Variants in KAT6A observed in about 807,000 individuals in gnomAD.
KAT6A encodes histone acetyltransferase KAT6A.
A neutral mutation model predicts 198.4 loss-of-function variants in KAT6A; 9 were observed. The ratio of observed to expected loss-of-function variants is 0.05; its 90% confidence interval spans 0.03 to 0.08. The LOEUF (loss-of-function observed/expected upper bound fraction) is 0.08, where lower values mean the gene tolerates loss of function less well. KAT6A is among the 10% of genes least tolerant of loss of function. The probability of loss-of-function intolerance (pLI) is 1.00; values close to 1 mark genes in which losing one functional copy is unlikely to be tolerated. For missense variants in KAT6A, 2,077 were observed against 2,509.9 expected (o/e 0.83, Z 3.69); for synonymous variants, 890 against 883.0 (o/e 1.01, Z -0.14).
chr8:41,938,043 G>T (rs1821937328), intron 15 of KAT6A, among the ~76,000 whole-genome samples: 1 of 152,110 alleles, frequency 6.6e-6, no homozygotes, highest in Admixed American at 6.5e-5. Flanking sequence ...TAGAAATATG[G>T]GGCTGAAATG....
chr8:42,019,128 A>G (rs1203756965), intron 2 of KAT6A, among the ~76,000 whole-genome samples: 1 of 152,198 alleles, frequency 6.6e-6, no homozygotes, highest in East Asian at 1.9e-4. Flanking sequence ...ATCTGTAAAA[A>G]TAAGGGTTTG....
At chr8:42,014,887 T>G (rs1826196609) in intron 2 of KAT6A, among the ~76,000 whole-genome samples, 1 of 152,152 alleles carries the variant, frequency 6.6e-6, no homozygotes, top group South Asian at 2.1e-4. Flanking sequence ...CTTGAAATAC[T>G]TCGGTACATG....
chr8:41,940,792 A>G (rs758227000), intron 15 of KAT6A, 50 bp downstream of exon 15: 301 of 1,563,430 alleles, frequency 1.9e-4, no homozygotes, highest in Non-Finnish European at 2.5e-4. Flanking sequence ...GAGAAGGTGT[A>G]AGATAAACTG....
intron 8 of KAT6A, among the ~76,000 whole-genome samples, chr8:41,967,431 T>C (rs1284917456): frequency 6.7e-6 from 1 of 149,666 alleles, no homozygotes; most frequent in East Asian, 2.0e-4. Context: ...TATCTCCCAA[T>C]GCTATCCCTC....
intron 2 of KAT6A, among the ~76,000 whole-genome samples, chr8:41,996,083 G>A (rs1355791645): frequency 1.3e-5 from 2 of 151,804 alleles, no homozygotes; most frequent in African/African-American, 4.8e-5. Context: ...ACTTTATTTT[G>A]TCTCTATTCT....
At chr8:41,949,710 A>C (rs1273296052) in intron 9 of KAT6A, among the ~76,000 whole-genome samples, 1 of 152,192 alleles carries the variant, frequency 6.6e-6, no homozygotes, top group Non-Finnish European at 1.5e-5. Context: ...CCATTTTTTC[A>C]AGTTCCCATT....
At chr8:42,032,871 CTTTTTTTTTTTT>C (rs1163323345) in intron 2 of KAT6A, among the ~76,000 whole-genome samples, 5 of 76,536 alleles carry the variant, frequency 6.5e-5, no homozygotes, top group East Asian at 4.1e-4. Flanking sequence ...AAAACCTTGG[CTTTTTTTTTTTT>C]TTTTTTTTTT....
At chr8:41,947,441 G>C (rs117280306) in intron 11 of KAT6A, among the ~76,000 whole-genome samples, 194 of 152,342 alleles carry the variant, frequency 1.3e-3, no homozygotes, top group Admixed American at 2.3e-3. Flanking sequence ...TTGAAGCTGA[G>C]ACAGAACTCA....
At chr8:41,959,119 C>A (rs1195656487) in intron 8 of KAT6A, among the ~76,000 whole-genome samples, 1 of 148,128 alleles carries the variant, frequency 6.8e-6, no homozygotes, top group Non-Finnish European at 1.5e-5. Flanking sequence ...CCAGATCGCG[C>A]CACTGCACTC....
chr8:41,937,368 G>C lies in KAT6A; in HGVS notation c.3240C>G (p.Phe1080Leu), dbSNP rs541245150. ...ACAAACGACGGAAGTATTCTCTAGG[G>C]AAAAGTTCATTTTCATCCTCTTCCT... ...EEEEEDENEL[F>L]PREYFRRLSS... Residue 1080 changes from phenylalanine to leucine, a missense_variant, in exon 16 of 17, where the codon TTC becomes TTG. Transcript: ENST00000265713. 3.7e-6 allele frequency: 6 copies of C among 1,614,070 alleles called. No individual in the cohort carries two copies. The African/African-American group carries it at 5.3e-5, about 14-fold the overall frequency.
intron 2 of KAT6A, among the ~76,000 whole-genome samples, chr8:41,990,974 G>A (rs1189044667): frequency 7.1e-6 from 1 of 141,412 alleles, no homozygotes; most frequent in East Asian, 2.1e-4. Flanking sequence ...CAGCCTGGGT[G>A]ACAGGGCGAG....
intron 2 of KAT6A, among the ~76,000 whole-genome samples, chr8:42,044,451 T>C (rs1827814515): frequency 6.6e-6 from 1 of 152,088 alleles, no homozygotes; most frequent in Non-Finnish European, 1.5e-5. Flanking sequence ...TACTTATCAA[T>C]GTGAAAAGAA....
In KAT6A at chr8:41,933,162, C is replaced by T. The variant is rs774055809; in HGVS notation, c.5058G>A (p.Gln1686=). ...QQQPQQQPQP[Q]PQQPPPPPPP... ...GGGGTGGGGGTGGAGGCTGCTGGGG[C>T]TGAGGCTGCGGCTGCTGTTGCGGCT... The change falls in exon 17 of 17, where the codon CAG becomes CAA. Residue 1686 remains glutamine, a synonymous_variant. Transcript: ENST00000265713. This position sits in a 1 kb window ranked among gnomAD's most constrained non-coding sequence, Gnocchi z 6.2. 3.7e-6 allele frequency: 6 copies of T among 1,600,028 alleles called. No homozygotes were observed. The highest frequency in any genetic ancestry group is 5.1e-6 in the Non-Finnish European group (6 of 1,175,422).
At chr8:41,967,211 A>T (rs1241310737) in intron 8 of KAT6A, among the ~76,000 whole-genome samples, 1 of 151,918 alleles carries the variant, frequency 6.6e-6, no homozygotes, top group Non-Finnish European at 1.5e-5. Context: ...TATTTCAAGA[A>T]GGTGGTCATG....
chr8:41,941,016 A>G lies in KAT6A; in HGVS notation c.2865T>C (p.Pro955=), dbSNP rs1822096045. 6.2e-7 allele frequency: 1 copy of G among 1,614,124 alleles called. No individual in the cohort carries two copies. Among genetic ancestry groups the G allele is most frequent in the Non-Finnish European group, 8.5e-7 (1 of 1,180,026 alleles). The change falls in exon 15 of 17, where the codon CCT becomes CCC. Residue 955 remains proline (P), a synonymous_variant. Transcript: ENST00000265713. ...CTGTTAATCTGCACTTCAGAGCCTC[A>G]GGGCTTTTCTTGAGCTGTCCTCGCC... ...EPWRGQLKKS[P]EALKCRLTEG...
At chr8:42,006,820 AC>A (rs1825773421) in intron 2 of KAT6A, among the ~76,000 whole-genome samples, 2 of 152,128 alleles carry the variant, frequency 1.3e-5, no homozygotes, top group South Asian at 2.1e-4. Context: ...ACGTGGTGAA[AC>A]CCTGTTTCTA....
chr8:41,951,503 G>C (rs988251986), intron 9 of KAT6A, among the ~76,000 whole-genome samples: 1 of 152,236 alleles, frequency 6.6e-6, no homozygotes, highest in African/African-American at 2.4e-5. Context: ...TAGCCCTAGA[G>C]AATCTTGTTG....
intron 2 of KAT6A, among the ~76,000 whole-genome samples, chr8:41,987,816 C>T (rs1411030881): frequency 1.3e-5 from 2 of 152,090 alleles, no homozygotes; most frequent in Admixed American, 1.3e-4. Flanking sequence ...TCACTTAGAA[C>T]CTAAATGATA....
chr8:41,971,889 A>G (rs1270050438), intron 8 of KAT6A, among the ~76,000 whole-genome samples: 1 of 149,744 alleles, frequency 6.7e-6, no homozygotes, highest in East Asian at 2.1e-4. Context: ...AATGTGAAGT[A>G]TGACAGAGAA....
Sources: allele counts gnomAD v4.1 joint callset (sites outside exome capture counted in the v4.1 genomes callset), GRCh38; gene constraint gnomAD v4.1.1; non-coding constraint Gnocchi (gnomAD v3.1); transcripts MANE v1.5; gene names NCBI Gene and HGNC (gene_info 2026-07-23, HGNC 2026-07-21).